SGCZ: variants seen among roughly 807,000 people sequenced by gnomAD.
The protein encoded by SGCZ is zeta-sarcoglycan.
SGCZ carries 40 observed loss-of-function variants against 41.3 expected under a neutral mutation model. The observed-to-expected ratio is 0.97, with a 90% CI of 0.75 to 1.26. The LOEUF (loss-of-function observed/expected upper bound fraction) is 1.26, where lower values mean the gene tolerates loss of function less well. SGCZ is among the 50% of genes most tolerant of loss of function. The pLI is 0.00. For synonymous variants in SGCZ, 206 were observed against 137.5 expected, an observed-to-expected ratio of 1.50 and a Z score of -3.49; for missense variants, 552 against 369.8, an observed-to-expected ratio of 1.49 and a Z score of -4.04.
Position 14,463,587 on chromosome 8 carries a change from A to T in SGCZ, c.234+91145T>A, listed in dbSNP as rs993881218. On this transcript the variant is annotated intron_variant, in intron 2 of 7. Coordinates refer to ENST00000382080, the MANE Select transcript of SGCZ (RefSeq NM_139167.4). ...CTTCATGACACTGGATTTGGTAATG[A>T]TTTCTTGAATATGATACTAAAGGCA... 2.6e-5 allele frequency among the ~76,000 whole-genome samples: 4 copies of T among 151,648 alleles called. No homozygotes were observed. The East Asian group carries it at 7.7e-4, about 29-fold the overall frequency.
At chr8:14,564,960 T>C (rs1345643462) in intron 1 of SGCZ, among the ~76,000 whole-genome samples, 3 of 152,160 alleles carry the variant, frequency 2.0e-5, no homozygotes, top group East Asian at 1.9e-4. Flanking sequence ...GAGTGGATTT[T>C]TTTTTTCTAC....
At chr8:14,687,169 AAAAT>A (rs1563202821) in intron 1 of SGCZ, among the ~76,000 whole-genome samples, 1 of 127,052 alleles carries the variant, frequency 7.9e-6, no homozygotes, top group East Asian at 2.2e-4. Context: ...AAAGAAAAAA[AAAAT>A]ATATATATAT....
chr8:14,913,298 TG>T (rs968825398), intron 1 of SGCZ, among the ~76,000 whole-genome samples: 1 of 152,076 alleles, frequency 6.6e-6, no homozygotes, highest in African/African-American at 2.4e-5. Context: ...TATGTATCTG[TG>T]TACTGCCCTC....
chr8:14,110,712 A>G (rs1162324412), intron 5 of SGCZ, among the ~76,000 whole-genome samples: 1 of 152,140 alleles, frequency 6.6e-6, no homozygotes, highest in African/African-American at 2.4e-5. Flanking sequence ...TCAGTAAGGG[A>G]TGATAAAAGC....
At chr8:14,899,061 T>C (rs1398198760) in intron 1 of SGCZ, among the ~76,000 whole-genome samples, 1 of 152,210 alleles carries the variant, frequency 6.6e-6, no homozygotes, top group East Asian at 1.9e-4. Flanking sequence ...TAAGAAGTCG[T>C]TTTCCTTAAA....
chr8:14,312,543 C>T (rs1801582929), intron 3 of SGCZ, among the ~76,000 whole-genome samples: 1 of 152,062 alleles, frequency 6.6e-6, no homozygotes. Context: ...TGCTTGAGGC[C>T]AGGAACTTGA....
chr8:14,854,208 G>A (rs1803461262), intron 1 of SGCZ, among the ~76,000 whole-genome samples: 1 of 151,264 alleles, frequency 6.6e-6, no homozygotes, highest in African/African-American at 2.4e-5. Flanking sequence ...CATCTTAAAT[G>A]CAGTAACTTT....
In SGCZ at chr8:14,761,346, G is replaced by C. The variant is rs771852553; in HGVS notation, c.40-206420C>G. Among the ~76,000 whole-genome samples, 15 of 151,572 alleles carry C rather than the reference G, an allele frequency of 9.9e-5. 1 individual carries two copies. The highest frequency in any genetic ancestry group is 4.4e-5 in the Non-Finnish European group (3 of 67,942). On this transcript the variant is annotated intron_variant, in intron 1 of 7. Coordinates refer to ENST00000382080, the MANE Select transcript of SGCZ (RefSeq NM_139167.4). The stretch of plus-strand genomic sequence containing the variant: ...AAAATAATGCTGAGCTACTCGCTAA[G>C]GATACTACAATATTTACTAAACTCT...
At chr8:14,516,963 T>G (rs2117090263) in intron 2 of SGCZ, among the ~76,000 whole-genome samples, 1 of 152,072 alleles carries the variant, frequency 6.6e-6, no homozygotes, top group South Asian at 2.1e-4. Flanking sequence ...TATTAAAATT[T>G]AAGGAACAAG....
chr8:14,847,120 AAG>A (rs1232460110), intron 1 of SGCZ, among the ~76,000 whole-genome samples: 23 of 107,828 alleles, frequency 2.1e-4, no homozygotes, highest in East Asian at 8.3e-4. Flanking sequence ...AAAGAAGAAG[AAG>A]AAGAAAGAAG....
intron 1 of SGCZ, among the ~76,000 whole-genome samples, chr8:14,953,824 T>G (rs1405405932): frequency 6.6e-6 from 1 of 152,230 alleles, no homozygotes; most frequent in Non-Finnish European, 1.5e-5. Flanking sequence ...TACACTATTA[T>G]GATTACTTCA....
rs369326883 is a variant in SGCZ, at chr8:14,944,645, G to T, written c.39+292940C>A. ...ATAAGTTATTTAAGTTGTATGAATAGCTGTAAATACATTCACTTATATACT... is the reference window on the plus strand; with the variant it reads ...ATAAGTTATTTAAGTTGTATGAATATCTGTAAATACATTCACTTATATACT... On this transcript the variant is annotated intron_variant, in intron 1 of 7. Transcript: ENST00000382080. Among the ~76,000 whole-genome samples, 7 of 152,226 alleles carry T rather than the reference G, an allele frequency of 4.6e-5. No homozygotes were observed. The East Asian group carries it at 1.2e-3, about 25-fold the overall frequency.
chr8:14,827,408 T>C (rs1022967081), intron 1 of SGCZ, among the ~76,000 whole-genome samples: 2 of 152,062 alleles, frequency 1.3e-5, no homozygotes, highest in African/African-American at 4.8e-5. Context: ...AGCTAATTTT[T>C]GTGTTTTTAG....
chr8:14,322,230 T>A (rs1363412020), intron 3 of SGCZ, among the ~76,000 whole-genome samples: 1 of 152,114 alleles, frequency 6.6e-6, no homozygotes. Flanking sequence ...TGGCTACCAA[T>A]GTGCCTGCCC....
intron 1 of SGCZ, among the ~76,000 whole-genome samples, chr8:15,024,822 G>C (rs1389737473): frequency 6.6e-6 from 1 of 152,084 alleles, no homozygotes; most frequent in Non-Finnish European, 1.5e-5. Flanking sequence ...TGTAGTCCCA[G>C]CTACTAAGGA....
At chr8:14,830,738 G>T (rs1802498526) in intron 1 of SGCZ, among the ~76,000 whole-genome samples, 1 of 152,042 alleles carries the variant, frequency 6.6e-6, no homozygotes, top group South Asian at 2.1e-4. Flanking sequence ...TATATTACAA[G>T]TCAGCCAATA....
chr8:14,447,864 A>G (rs77254648), intron 2 of SGCZ, among the ~76,000 whole-genome samples: 9,618 of 152,200 alleles, frequency 0.063, 1,018 homozygotes, highest in African/African-American at 0.22. Flanking sequence ...ATAATGCACA[A>G]GTTCATTCAG....
At chr8:14,408,161 G>A (rs529067273) in intron 2 of SGCZ, among the ~76,000 whole-genome samples, 1 of 152,144 alleles carries the variant, frequency 6.6e-6, no homozygotes, top group South Asian at 2.1e-4. Flanking sequence ...AAATTATGAT[G>A]TTTTTAGACA....
At chr8:14,656,156 T>C (rs1271463658) in intron 1 of SGCZ, among the ~76,000 whole-genome samples, 4 of 152,130 alleles carry the variant, frequency 2.6e-5, no homozygotes, top group Non-Finnish European at 5.9e-5. Flanking sequence ...TCAAACTGTT[T>C]ATCCAAAGTG....
Sources: gnomAD v4.1 joint callset for allele counts (sites outside exome capture counted in the v4.1 genomes callset) on GRCh38, gnomAD v4.1.1 for gene constraint, MANE v1.5 for transcripts, NCBI Gene and HGNC (gene_info 2026-07-23, HGNC 2026-07-21) for gene names.